ZDHHC14: variants seen among roughly 807,000 people sequenced by gnomAD.
ZDHHC14 encodes palmitoyltransferase ZDHHC14.
A neutral mutation model predicts 47.7 loss-of-function variants in ZDHHC14; 16 were observed. That is an observed-to-expected ratio of 0.34 (90% CI 0.23 to 0.51). The LOEUF is 0.51. Ranked by LOEUF, ZDHHC14 falls within the 20% of genes least tolerant of loss-of-function variation. The pLI is 0.97. For missense variants in ZDHHC14, 515 were observed against 662.5 expected (o/e 0.78, Z 2.44); for synonymous variants, 293 against 278.9 (o/e 1.05, Z -0.50).
chr6:157,559,313 C>A (rs1782612063), intron 2 of ZDHHC14, among the ~76,000 whole-genome samples: 1 of 152,216 alleles, frequency 6.6e-6, no homozygotes, highest in African/African-American at 2.4e-5. Flanking sequence ...ATTGCGTGGG[C>A]AGCTGATGTG....
chr6:157,432,009 G>A (rs749502004), intron 1 of ZDHHC14, among the ~76,000 whole-genome samples: 2 of 152,102 alleles, frequency 1.3e-5, no homozygotes, highest in East Asian at 1.9e-4. Context: ...GATTACAGAC[G>A]TGACCCATCA....
In ZDHHC14 at chr6:157,381,793, C is replaced by G. The variant is rs1777216381; in HGVS notation, c.-229C>G. 1 of 161,406 alleles carries G rather than the reference C, an allele frequency of 6.2e-6. No homozygotes were observed. The highest frequency in any genetic ancestry group is 2.4e-5 in the African/African-American group (1 of 41,088). The allele number at this position is 161,406 out of a possible 1,614,324, so 10.0% of individuals were successfully genotyped here. A position where few individuals can be genotyped will look rare whatever the true frequency, so the allele number is the denominator to read the frequency against. On this transcript the variant is annotated 5_prime_UTR_variant, in exon 1 of 9. Transcript: ENST00000359775. The stretch of plus-strand genomic sequence containing the variant: ...GAGGAGTGCTGCCGCGGGCTGCGGA[C>G]CAGCGCCGTCCCCTCACGGAGCGGG...
Position 157,381,463 on chromosome 6 carries a change from C to T in ZDHHC14, c.-559C>T. 2.9e-6 allele frequency: 1 copy of T among 343,322 alleles called. No individual in the cohort carries two copies. The highest frequency in any genetic ancestry group is 5.9e-6 in the Non-Finnish European group (1 of 168,498). The allele number at this position is 343,322 out of a possible 1,614,324, so 21.3% of individuals were successfully genotyped here. A position where few individuals can be genotyped will look rare whatever the true frequency, so the allele number is the denominator to read the frequency against. On this transcript the variant is annotated 5_prime_UTR_variant, in exon 1 of 9. Transcript: ENST00000359775. ...TTGTCCCCACCCCTGGGAGGGGTTGCCGGTGCCGCGCGCGGCCGCCCAGTC... is the reference window on the plus strand; with the variant it reads ...TTGTCCCCACCCCTGGGAGGGGTTGTCGGTGCCGCGCGCGGCCGCCCAGTC...
intron 2 of ZDHHC14, among the ~76,000 whole-genome samples, chr6:157,542,963 G>T (rs1276513355): frequency 1.3e-5 from 2 of 152,142 alleles, no homozygotes; most frequent in African/African-American, 2.4e-5. Flanking sequence ...AGGACTGCAG[G>T]CCCACTCGAG....
At chr6:157,547,100 G>A (rs1323023409) in intron 2 of ZDHHC14, among the ~76,000 whole-genome samples, 11 of 152,182 alleles carry the variant, frequency 7.2e-5, no homozygotes, top group Admixed American at 5.2e-4. Context: ...TCTGAAGACC[G>A]ATTACCTCCA....
At chr6:157,382,929 C>T (rs1284002733) in intron 1 of ZDHHC14, among the ~76,000 whole-genome samples, 1 of 152,102 alleles carries the variant, frequency 6.6e-6, no homozygotes, top group Non-Finnish European at 1.5e-5. Context: ...AAAAGGTGTC[C>T]AAAACAAACA....
In ZDHHC14 at chr6:157,381,914, C is replaced by T; in HGVS notation, c.-108C>T. On this transcript the variant is annotated 5_prime_UTR_variant, in exon 1 of 9. Coordinates refer to ENST00000359775, the MANE Select transcript of ZDHHC14 (RefSeq NM_024630.3). ...GGGAGCCCGTGTAGGGGCCGCGGCGCCGCGGCTCGGGGGGCGGCCGGGCGG... is the reference window on the plus strand; with the variant it reads ...GGGAGCCCGTGTAGGGGCCGCGGCGTCGCGGCTCGGGGGGCGGCCGGGCGG... 2.4e-5 allele frequency: 23 copies of T among 943,642 alleles called. No individual in the cohort carries two copies. Among genetic ancestry groups the T allele is most frequent in the Non-Finnish European group, 2.9e-5 (23 of 797,030 alleles). The allele number at this position is 943,642 out of a possible 1,614,324, so 58.5% of individuals were successfully genotyped here.
rs557890592 is a variant in ZDHHC14 at position 157,565,780 on chromosome 6, G to A, written c.406+23035G>A. Among the ~76,000 whole-genome samples the A allele has an allele frequency of 2.0e-5, 3 of 151,540 alleles. No homozygotes were observed. The South Asian group carries it at 6.3e-4, about 32-fold the overall frequency. ...TGAGCTGAGATTGCACCACTGCACAGGTGATGGAGCAAGACTCCGTCTCCA... is the reference window on the plus strand; with the variant it reads ...TGAGCTGAGATTGCACCACTGCACAAGTGATGGAGCAAGACTCCGTCTCCA... On this transcript the variant is annotated intron_variant, in intron 2 of 8. Transcript: ENST00000359775.
At chr6:157,555,138 G>T (rs778838669) in intron 2 of ZDHHC14, among the ~76,000 whole-genome samples, 1 of 152,160 alleles carries the variant, frequency 6.6e-6, no homozygotes, top group Non-Finnish European at 1.5e-5. Context: ...ACATCATTTG[G>T]ATGCACCTTC....
chr6:157,586,285 ACT>A lies in ZDHHC14; in HGVS notation c.407-6700_407-6699del, dbSNP rs1783695093. 1.3e-5 allele frequency among the ~76,000 whole-genome samples: 2 copies of A among 152,170 alleles called. No individual in the cohort carries two copies. Among genetic ancestry groups the A allele is most frequent in the Admixed American group, 1.3e-4 (2 of 15,290 alleles). On this transcript the variant is annotated intron_variant, in intron 2 of 8. Transcript: ENST00000359775. The surrounding 1 kb of genome is among the most constrained non-coding windows in gnomAD (Gnocchi z 4.6). ...GAGAGCCCAAAGGAGGAAACAAGTA[ACT>A]CTGCTTGCAAAGTGTTTTCACAAGA...
chr6:157,410,680 T>G (rs1227136134), intron 1 of ZDHHC14, among the ~76,000 whole-genome samples: 3 of 152,184 alleles, frequency 2.0e-5, no homozygotes, highest in African/African-American at 7.2e-5. Context: ...GCAAGATATT[T>G]GATTTCATCT....
rs3220439 is a variant in ZDHHC14 at position 157,453,788 on chromosome 6, T to TTTTTTTTTGTGTGTGTGTGTGTGTG, written c.245+71523_245+71524insTTTTTTTGTGTGTGTGTGTGTGTGT. Among the ~76,000 whole-genome samples the TTTTTTTTTGTGTGTGTGTGTGTGTG allele has an allele frequency of 1.7e-4, 25 of 148,094 alleles. 1 individual carries two copies. The highest frequency in any genetic ancestry group is 6.3e-4 in the African/African-American group (25 of 39,460). ...TTCTAAGGCCATTGTTTTTTGTGTT[T>TTTTTTTTTGTGTGTGTGTGTGTGTG]TGTGTGTGTGTGTGTGTGTGTGTGT... is the stretch of plus-strand genomic sequence containing the variant. On this transcript the variant is annotated intron_variant, in intron 1 of 8. Coordinates refer to ENST00000359775, the MANE Select transcript of ZDHHC14 (RefSeq NM_024630.3).
At chr6:157,633,033 T>A in intron 5 of ZDHHC14, 151 bp downstream of exon 5, 1 of 830,776 alleles carries the variant, frequency 1.2e-6, no homozygotes, top group Non-Finnish European at 2.0e-6. Context: ...GCACGAGTAG[T>A]AGCTTCTGAC....
At chr6:157,418,006 C>G (rs1884576) in intron 1 of ZDHHC14, among the ~76,000 whole-genome samples, 128,015 of 151,834 alleles carry the variant, frequency 0.84, 54,172 homozygotes, top group Middle Eastern at 0.94. Flanking sequence ...ACTGCAGGAC[C>G]TGTTGGTCCA....
chr6:157,456,102 A>T (rs1289338056), intron 1 of ZDHHC14, among the ~76,000 whole-genome samples: 5 of 152,140 alleles, frequency 3.3e-5, no homozygotes, highest in African/African-American at 7.2e-5. Context: ...ATGAAAACAC[A>T]TCCTTTCCTT....
At position 157,559,468 on chromosome 6, in the gene ZDHHC14, A is replaced by G. The variant is rs376123521; in HGVS notation, c.406+16723A>G. 7.2e-5 allele frequency among the ~76,000 whole-genome samples: 11 copies of G among 152,354 alleles called. No homozygotes were observed. In the East Asian group the frequency reaches 1.2e-3, roughly 16 times the overall value. On this transcript the variant is annotated intron_variant, in intron 2 of 8. Transcript: ENST00000359775. ...TTTAGAGCCATTGGCTTTAGAGCTG[A>G]GTTGGCCACCACCCTGTGCCTGCAT...
At chr6:157,478,531 C>A (rs185167441) in intron 1 of ZDHHC14, among the ~76,000 whole-genome samples, 34 of 152,262 alleles carry the variant, frequency 2.2e-4, no homozygotes, top group African/African-American at 7.0e-4. Flanking sequence ...CTGAAAGTGA[C>A]CTTCCATGGA....
chr6:157,652,855 G>A (rs1777903370), intron 7 of ZDHHC14, among the ~76,000 whole-genome samples: 1 of 151,802 alleles, frequency 6.6e-6, no homozygotes. Context: ...TGAAGACTCT[G>A]CCCTTGGGAG....
At chr6:157,557,156 C>T (rs34410217) in intron 2 of ZDHHC14, among the ~76,000 whole-genome samples, 46,798 of 152,114 alleles carry the variant, frequency 0.31, 7,810 homozygotes, top group African/African-American at 0.4. Context: ...CCGGGCTGCT[C>T]GGAGAATGAC....
Sources: allele counts gnomAD v4.1 joint callset (sites outside exome capture counted in the v4.1 genomes callset), GRCh38; gene constraint gnomAD v4.1.1; non-coding constraint Gnocchi (gnomAD v3.1); transcripts MANE v1.5; gene names NCBI Gene and HGNC (gene_info 2026-07-23, HGNC 2026-07-21).